Variants in CTXN1 observed in about 807,000 individuals in gnomAD.
CTXN1 encodes cortexin 1, also known as cortexin-1.
Under a neutral mutation model 5.5 loss-of-function variants are expected in CTXN1, and 4 were observed. The observed-to-expected ratio is 0.73, with a 90% CI of 0.36 to 1.68. The LOEUF (loss-of-function observed/expected upper bound fraction) is 1.68, where lower values mean the gene tolerates loss of function less well. Among genes scored for constraint, CTXN1 ranks in the 40% most tolerant of loss-of-function variants. The pLI is 0.05. For synonymous variants in CTXN1, 67 were observed against 62.8 expected, an observed-to-expected ratio of 1.07 and a Z score of -0.32; for missense variants, 111 against 123.0, an observed-to-expected ratio of 0.90 and a Z score of 0.46.
Position 7,925,622 on chromosome 19 carries a change from CT to C in CTXN1, c.-20-65del, listed in dbSNP as rs1983761485. ...GGCTGCGCCCTCCCTCCCGCGCCTCCTCCGCTTCGCCCCCTCCTGCCGCCGC... is the reference window on the plus strand; with the variant it reads ...GGCTGCGCCCTCCCTCCCGCGCCTCCCCGCTTCGCCCCCTCCTGCCGCCGC... On this transcript the variant is annotated intron_variant, in intron 1 of 1. Transcript: ENST00000318978. The surrounding 1 kb of genome is among the most constrained non-coding windows in gnomAD (Gnocchi z 5.0). The C allele has an allele frequency of 8.0e-7, 1 of 1,249,752 alleles. No homozygotes were observed. The highest frequency in any genetic ancestry group is 1.0e-6 in the Non-Finnish European group (1 of 990,834). 77.4% of individuals were successfully genotyped at this position (1,249,752 alleles called of 1,614,324 possible). A position where few individuals can be genotyped will look rare whatever the true frequency, so the allele number is the denominator to read the frequency against.
Position 7,925,990 on chromosome 19 carries a change from C to T in CTXN1, c.-44G>A, listed in dbSNP as rs1599643889. 1.3e-5 allele frequency: 2 copies of T among 150,196 alleles called. No homozygotes were observed. Among genetic ancestry groups the T allele is most frequent in the African/African-American group, 4.9e-5 (2 of 41,096 alleles). The allele number at this position is 150,196 out of a possible 1,614,324, so 9.3% of individuals were successfully genotyped here. A position where few individuals can be genotyped will look rare whatever the true frequency, so the allele number is the denominator to read the frequency against. ...ACCCTGGCTTCGACCCGGACGGGGACCGACCGCCCGGCGGCCGCGCTCTCT... is the reference window on the plus strand; with the variant it reads ...ACCCTGGCTTCGACCCGGACGGGGATCGACCGCCCGGCGGCCGCGCTCTCT... On this transcript the variant is annotated 5_prime_UTR_variant, in exon 1 of 2. Coordinates refer to ENST00000318978, the MANE Select transcript of CTXN1 (RefSeq NM_206833.4). The surrounding 1 kb of genome is among the most constrained non-coding windows in gnomAD (Gnocchi z 5.0).
Position 7,925,640 on chromosome 19 carries a change from T to TGCCGCCGCC in CTXN1, c.-20-91_-20-83dup. ...GCGCCTCCTCCGCTTCGCCCCCTCC[T>TGCCGCCGCC]GCCGCCGCCGCCGCCGCCTCCCTTA... is the stretch of plus-strand genomic sequence containing the variant. On this transcript the variant is annotated intron_variant, in intron 1 of 1. Transcript: ENST00000318978. This position sits in a 1 kb window ranked among gnomAD's most constrained non-coding sequence, Gnocchi z 5.0. 8.6e-7 allele frequency: 1 copy of TGCCGCCGCC among 1,163,806 alleles called. No homozygotes were observed. The highest frequency in any genetic ancestry group is 1.1e-6 in the Non-Finnish European group (1 of 918,050). 72.1% of individuals were successfully genotyped at this position (1,163,806 alleles called of 1,614,324 possible). A position where few individuals can be genotyped will look rare whatever the true frequency, so the allele number is the denominator to read the frequency against.
rs1002306758 is a variant in CTXN1, at chr19:7,925,237, G to A, written c.*53C>T. On this transcript the variant is annotated 3_prime_UTR_variant, in exon 2 of 2. Transcript: ENST00000318978. The surrounding 1 kb of genome is among the most constrained non-coding windows in gnomAD (Gnocchi z 5.0). Reference sequence around the variant, plus strand: ...TCCTGGCCCCGCGGCGCCCCCCGCCGGGCCGGCCCTCTGAGACCCCGGCGC... The same window carrying A: ...TCCTGGCCCCGCGGCGCCCCCCGCCAGGCCGGCCCTCTGAGACCCCGGCGC... 1.1e-4 allele frequency: 132 copies of A among 1,195,008 alleles called. 1 individual carries two copies. The Middle Eastern group carries it at 1.3e-3, about 12-fold the overall frequency. The allele number at this position is 1,195,008 out of a possible 1,614,324, so 74.0% of individuals were successfully genotyped here. A position where few individuals can be genotyped will look rare whatever the true frequency, so the allele number is the denominator to read the frequency against.
At position 7,925,927 on chromosome 19, in the gene CTXN1, A is replaced by AC. The variant is rs976281764; in HGVS notation, c.-21+39dup. 1 of 145,724 alleles carries AC rather than the reference A, an allele frequency of 6.9e-6. No individual in the cohort carries two copies. The highest frequency in any genetic ancestry group is 1.5e-5 in the Non-Finnish European group (1 of 67,220). 9.0% of individuals were successfully genotyped at this position (145,724 alleles called of 1,614,324 possible). A position where few individuals can be genotyped will look rare whatever the true frequency, so the allele number is the denominator to read the frequency against. On this transcript the variant is annotated intron_variant, in intron 1 of 1. Transcript: ENST00000318978. This position sits in a 1 kb window ranked among gnomAD's most constrained non-coding sequence, Gnocchi z 5.0. ...CTCCCTTTGTTCTCGGCGGCCTGGG[A>AC]CCCCCTCCCCCACCGCCCCCGCCCC...
At position 7,924,673 on chromosome 19, in the gene CTXN1, T is replaced by A. The variant is rs1247010605; in HGVS notation, c.*617A>T. 1 of 151,744 alleles carries A rather than the reference T, an allele frequency of 6.6e-6. No individual in the cohort carries two copies. Among genetic ancestry groups the A allele is most frequent in the African/African-American group, 2.4e-5 (1 of 41,250 alleles). 9.4% of individuals were successfully genotyped at this position (151,744 alleles called of 1,614,324 possible). A position where few individuals can be genotyped will look rare whatever the true frequency, so the allele number is the denominator to read the frequency against. On this transcript the variant is annotated 3_prime_UTR_variant, in exon 2 of 2. Coordinates refer to ENST00000318978, the MANE Select transcript of CTXN1 (RefSeq NM_206833.4). ...GCGCTGACCTGTCCTGGGGCCCGGG[T>A]TGGGGGCAGAAATGAGCCTGCCCAC...
In CTXN1 at chr19:7,925,059, G is replaced by A. The variant is rs897873739; in HGVS notation, c.*231C>T. The A allele has an allele frequency of 2.8e-6, 1 of 362,752 alleles. No individual in the cohort carries two copies. Among genetic ancestry groups the A allele is most frequent in the Non-Finnish European group, 4.9e-6 (1 of 203,756 alleles). The allele number at this position is 362,752 out of a possible 1,614,324, so 22.5% of individuals were successfully genotyped here. ...GCCGGGCGGGTGAGATGCGCAGAGAGGAAGGGACAGGGCGGATAAAGGCAC... is the reference window on the plus strand; with the variant it reads ...GCCGGGCGGGTGAGATGCGCAGAGAAGAAGGGACAGGGCGGATAAAGGCAC... On this transcript the variant is annotated 3_prime_UTR_variant, in exon 2 of 2. Coordinates refer to ENST00000318978, the MANE Select transcript of CTXN1 (RefSeq NM_206833.4). The surrounding 1 kb of genome is among the most constrained non-coding windows in gnomAD (Gnocchi z 5.0).
At position 7,925,669 on chromosome 19, in the gene CTXN1, T is replaced by C. The variant is rs1174415828; in HGVS notation, c.-20-111A>G. On this transcript the variant is annotated intron_variant, in intron 1 of 1. Transcript: ENST00000318978. This position sits in a 1 kb window ranked among gnomAD's most constrained non-coding sequence, Gnocchi z 5.0. ...GCCGCCGCCGCCGCCTCCCTTAACGTGCCCGACCCCATCCCCCGCCCGCGC... is the reference window on the plus strand; with the variant it reads ...GCCGCCGCCGCCGCCTCCCTTAACGCGCCCGACCCCATCCCCCGCCCGCGC... 4.3e-6 allele frequency: 4 copies of C among 926,418 alleles called. No homozygotes were observed. In the Admixed American group the frequency reaches 1.8e-4, roughly 41 times the overall value. 57.4% of individuals were successfully genotyped at this position (926,418 alleles called of 1,614,324 possible).
In CTXN1 at chr19:7,925,539, G is replaced by A. The variant is rs1219017316; in HGVS notation, c.-1C>T. On this transcript the variant is annotated 5_prime_UTR_variant, in exon 2 of 2. Coordinates refer to ENST00000318978, the MANE Select transcript of CTXN1 (RefSeq NM_206833.4). The surrounding 1 kb of genome is among the most constrained non-coding windows in gnomAD (Gnocchi z 5.0). ...GCGACAGCGTCCACGTCGCGCTCAT[G>A]GCTCACATCGCCGCGCGCCCTGCGG... 2.8e-6 allele frequency: 4 copies of A among 1,411,782 alleles called. No individual in the cohort carries two copies. The African/African-American group carries it at 6.0e-5, about 21-fold the overall frequency. 87.5% of individuals were successfully genotyped at this position (1,411,782 alleles called of 1,614,324 possible).
In CTXN1 at chr19:7,925,988, G is replaced by T. The variant is rs909147202; in HGVS notation, c.-42C>A. On this transcript the variant is annotated 5_prime_UTR_variant, in exon 1 of 2. Transcript: ENST00000318978. This position sits in a 1 kb window ranked among gnomAD's most constrained non-coding sequence, Gnocchi z 5.0. ...TCACCCTGGCTTCGACCCGGACGGG[G>T]ACCGACCGCCCGGCGGCCGCGCTCT... The T allele has an allele frequency of 1.3e-5, 2 of 150,320 alleles. No homozygotes were observed. The highest frequency in any genetic ancestry group is 1.9e-4 in the South Asian group (1 of 5,310). 9.3% of individuals were successfully genotyped at this position (150,320 alleles called of 1,614,324 possible). A position where few individuals can be genotyped will look rare whatever the true frequency, so the allele number is the denominator to read the frequency against.
chr19:7,925,457 GCT>G lies in CTXN1; in HGVS notation c.80_81del (p.Glu27AlafsTer149). On this transcript the variant is annotated frameshift_variant, in exon 2 of 2. Transcript: ENST00000318978. LOFTEE classifies it high-confidence loss of function. This position sits in a 1 kb window ranked among gnomAD's most constrained non-coding sequence, Gnocchi z 5.0. Reference sequence around the variant, plus strand: ...AGCACGAAGGCGAACACCGTGCGCTGCTCCGCGTCCAGGCCCGCGCCCACCGG... The same window carrying G: ...AGCACGAAGGCGAACACCGTGCGCTGCCGCGTCCAGGCCCGCGCCCACCGG... ...GPPVGAGLDA[E>X]QRTVFAFVLC... The G allele has an allele frequency of 6.4e-7, 1 of 1,574,314 alleles. No individual in the cohort carries two copies. The highest frequency in any genetic ancestry group is 8.6e-7 in the Non-Finnish European group (1 of 1,167,306).
rs1983738311 is a variant in CTXN1, at chr19:7,925,134, G to A, written c.*156C>T. ...GAAGGGACATGGGAGGGGTCTCGAG[G>A]GGGAGGGGCTGGGCTTCTCCCAACT... On this transcript the variant is annotated 3_prime_UTR_variant, in exon 2 of 2. Coordinates refer to ENST00000318978, the MANE Select transcript of CTXN1 (RefSeq NM_206833.4). The surrounding 1 kb of genome is among the most constrained non-coding windows in gnomAD (Gnocchi z 5.0). 1 of 474,298 alleles carries A rather than the reference G, an allele frequency of 2.1e-6. No homozygotes were observed. Among genetic ancestry groups the A allele is most frequent in the Non-Finnish European group, 3.4e-6 (1 of 297,444 alleles). The allele number at this position is 474,298 out of a possible 1,614,324, so 29.4% of individuals were successfully genotyped here.
chr19:7,925,198 G>T lies in CTXN1; in HGVS notation c.*92C>A. 8 of 1,041,176 alleles carry T rather than the reference G, an allele frequency of 7.7e-6. No homozygotes were observed. Among genetic ancestry groups the T allele is most frequent in the Non-Finnish European group, 8.6e-6 (7 of 811,710 alleles). The allele number at this position is 1,041,176 out of a possible 1,614,324, so 64.5% of individuals were successfully genotyped here. A position where few individuals can be genotyped will look rare whatever the true frequency, so the allele number is the denominator to read the frequency against. ...CCCCGGGCTGGGGGCTCCGGGGCGGGATCCTGAGCGCAGTCCTGGCCCCGC... is the reference window on the plus strand; with the variant it reads ...CCCCGGGCTGGGGGCTCCGGGGCGGTATCCTGAGCGCAGTCCTGGCCCCGC... On this transcript the variant is annotated 3_prime_UTR_variant, in exon 2 of 2. Transcript: ENST00000318978. This position sits in a 1 kb window ranked among gnomAD's most constrained non-coding sequence, Gnocchi z 5.0.
Position 7,926,124 on chromosome 19 carries a change from C to A in CTXN1, c.-178G>T, listed in dbSNP as rs950507326. ...GCCCCTGGAGCGGCGGAGACCGAGG[C>A]AGGCAAGCAGCGCGCGAGCCGGGCC... On this transcript the variant is annotated 5_prime_UTR_variant, in exon 1 of 2. Transcript: ENST00000318978. 6.8e-6 allele frequency: 1 copy of A among 146,474 alleles called. No individual in the cohort carries two copies. Among genetic ancestry groups the A allele is most frequent in the Non-Finnish European group, 1.5e-5 (1 of 66,020 alleles). The allele number at this position is 146,474 out of a possible 1,614,324, so 9.1% of individuals were successfully genotyped here. A position where few individuals can be genotyped will look rare whatever the true frequency, so the allele number is the denominator to read the frequency against.
rs79409642 is a variant in CTXN1, at chr19:7,924,981, G to A, written c.*309C>T. On this transcript the variant is annotated 3_prime_UTR_variant, in exon 2 of 2. Coordinates refer to ENST00000318978, the MANE Select transcript of CTXN1 (RefSeq NM_206833.4). ...GAGCCACTTACACGCTGGGGAGGGG[G>A]CGGTGCGGGGGTCCTCCTCCCGCCC... The A allele has an allele frequency of 7.7e-3, 1,873 of 243,692 alleles. 48 individuals are homozygous for A. The highest frequency in any genetic ancestry group is 0.044 in the East Asian group (565 of 12,984). The allele number at this position is 243,692 out of a possible 1,614,324, so 15.1% of individuals were successfully genotyped here.
In CTXN1 at chr19:7,925,927, AC is replaced by A. The variant is rs976281764; in HGVS notation, c.-21+39del. The A allele has an allele frequency of 6.9e-6, 1 of 145,724 alleles. No individual in the cohort carries two copies. Among genetic ancestry groups the A allele is most frequent in the Non-Finnish European group, 1.5e-5 (1 of 67,220 alleles). 9.0% of individuals were successfully genotyped at this position (145,724 alleles called of 1,614,324 possible). On this transcript the variant is annotated intron_variant, in intron 1 of 1. Transcript: ENST00000318978. The surrounding 1 kb of genome is among the most constrained non-coding windows in gnomAD (Gnocchi z 5.0). Reference sequence around the variant, plus strand: ...CTCCCTTTGTTCTCGGCGGCCTGGGACCCCCTCCCCCACCGCCCCCGCCCCG... The same window carrying A: ...CTCCCTTTGTTCTCGGCGGCCTGGGACCCCTCCCCCACCGCCCCCGCCCCG...
At position 7,925,103 on chromosome 19, in the gene CTXN1, G is replaced by A. The variant is rs1568291458; in HGVS notation, c.*187C>T. ...AAGGCACGAGGTGGGGCTCCGGCCA[G>A]GCCAGGAAGGGACATGGGAGGGGTC... is the stretch of plus-strand genomic sequence containing the variant. On this transcript the variant is annotated 3_prime_UTR_variant, in exon 2 of 2. Transcript: ENST00000318978. This position sits in a 1 kb window ranked among gnomAD's most constrained non-coding sequence, Gnocchi z 5.0. The A allele has an allele frequency of 2.5e-6, 1 of 396,932 alleles. No individual in the cohort carries two copies. The highest frequency in any genetic ancestry group is 4.3e-6 in the Non-Finnish European group (1 of 230,176). 24.6% of individuals were successfully genotyped at this position (396,932 alleles called of 1,614,324 possible).
chr19:7,925,306 T>G lies in CTXN1; in HGVS notation c.233A>C (p.Asp78Ala). The G allele has an allele frequency of 6.8e-7, 1 of 1,480,090 alleles. No homozygotes were observed. The highest frequency in any genetic ancestry group is 9.0e-7 in the Non-Finnish European group (1 of 1,114,624). The allele number at this position is 1,480,090 out of a possible 1,614,324, so 91.7% of individuals were successfully genotyped here. A position where few individuals can be genotyped will look rare whatever the true frequency, so the allele number is the denominator to read the frequency against. Residue 78 changes from aspartate (D) to alanine (A), a missense_variant, in exon 2 of 2, where the codon GAC becomes GCC. By Grantham distance (126) the Asp-to-Ala change is moderately radical. Transcript: ENST00000318978. This position sits in a 1 kb window ranked among gnomAD's most constrained non-coding sequence, Gnocchi z 5.0. ...CCGCGCCCCTCACACCAACGCGTAG[T>G]CGAACTGCCCGCGCTCGAGCGCCTC... is the stretch of plus-strand genomic sequence containing the variant. ...HKEALERGQF[D>A]YALV
Position 7,925,701 on chromosome 19 carries a change from C to A in CTXN1, c.-20-143G>T, listed in dbSNP as rs528013010. 1,816 of 712,484 alleles carry A rather than the reference C, an allele frequency of 2.5e-3. 26 individuals carry two copies. In the African/African-American group the frequency reaches 0.031, roughly 12 times the overall value. 44.1% of individuals were successfully genotyped at this position (712,484 alleles called of 1,614,324 possible). On this transcript the variant is annotated intron_variant, in intron 1 of 1. Coordinates refer to ENST00000318978, the MANE Select transcript of CTXN1 (RefSeq NM_206833.4). This position sits in a 1 kb window ranked among gnomAD's most constrained non-coding sequence, Gnocchi z 5.0. ...CCCCATCCCCCGCCCGCGCCTCGGT[C>A]CCCGGGCTACGCCCATGCCCGGCCC... is the stretch of plus-strand genomic sequence containing the variant.
chr19:7,925,509 C>G lies in CTXN1; in HGVS notation c.30G>C (p.Glu10Asp). The G allele has an allele frequency of 6.7e-7, 1 of 1,496,114 alleles. No homozygotes were observed. Among genetic ancestry groups the G allele is most frequent in the African/African-American group, 1.4e-5 (1 of 69,508 alleles). The allele number at this position is 1,496,114 out of a possible 1,614,324, so 92.7% of individuals were successfully genotyped here. A position where few individuals can be genotyped will look rare whatever the true frequency, so the allele number is the denominator to read the frequency against. Reference protein sequence around the residue: MSATWTLSPEPLPPSTGPPV... With the variant: MSATWTLSPDPLPPSTGPPV... The stretch of plus-strand genomic sequence containing the variant: ...GGGGCCCCGTCGACGGCGGCAGGGG[C>G]TCCGGCGACAGCGTCCACGTCGCGC... Residue 10 changes from glutamate (E) to aspartate (D), a missense_variant, in exon 2 of 2, where the codon GAG (glutamate) becomes GAC (aspartate). Transcript: ENST00000318978. The surrounding 1 kb of genome is among the most constrained non-coding windows in gnomAD (Gnocchi z 5.0).
Sources: gnomAD v4.1 joint callset for allele counts on GRCh38, gnomAD v4.1.1 for gene constraint, Gnocchi (gnomAD v3.1) non-coding constraint, MANE v1.5 for transcripts, NCBI Gene and HGNC (gene_info 2026-07-23, HGNC 2026-07-21) for gene names.